SLC14A2: variants seen among roughly 807,000 people sequenced by gnomAD.
SLC14A2 encodes the protein urea transporter 2.
Under a neutral mutation model 104.6 loss-of-function variants are expected in SLC14A2, and 91 were observed. The observed-to-expected ratio is 0.87, with a 90% CI of 0.73 to 1.04. The LOEUF (loss-of-function observed/expected upper bound fraction) is 1.04. SLC14A2 is among the 50% of genes least tolerant of loss of function. The pLI is 0.00. For synonymous variants in SLC14A2, 476 were observed against 466.4 expected, an observed-to-expected ratio of 1.02 and a Z score of -0.27; for missense variants, 1,189 against 1,156.0, an observed-to-expected ratio of 1.03 and a Z score of -0.41.
chr18:45,585,155 CCTT>C (rs1385748866), intron 2 of SLC14A2, among the ~76,000 whole-genome samples: 1 of 148,700 alleles, frequency 6.7e-6, no homozygotes, highest in African/African-American at 2.5e-5. Context: ...TCCTCCTCCT[CCTT>C]CCTGGGCTTC....
chr18:45,414,756 AAATATATATAT>A lies in SLC14A2; in HGVS notation c.-124-68475_-124-68465del, dbSNP rs1308828773. Among the ~76,000 whole-genome samples the A allele has an allele frequency of 9.2e-3, 656 of 71,352 alleles. 36 individuals are homozygous for A. The highest frequency in any genetic ancestry group is 0.038 in the African/African-American group (625 of 16,382). The allele number at this position is 71,352 out of a possible 152,430, so 46.8% of individuals were successfully genotyped here. ...AAGGCACCGAGCGTAAAAAAAAAAAAAATATATATATATATATATATATATATATATATATA... is the reference window on the plus strand; with the variant it reads ...AAGGCACCGAGCGTAAAAAAAAAAAAATATATATATATATATATATATATA... On this transcript the variant is annotated intron_variant, in intron 1 of 20. Transcript: ENST00000586448.
chr18:45,549,579 T>A (rs2044026723), intron 2 of SLC14A2, among the ~76,000 whole-genome samples: 1 of 152,180 alleles, frequency 6.6e-6, no homozygotes, highest in Admixed American at 6.5e-5. Flanking sequence ...GTGCAGGTAA[T>A]TTATTATACC....
intron 1 of SLC14A2, among the ~76,000 whole-genome samples, chr18:45,623,353 A>G (rs1457533790): frequency 6.6e-6 from 1 of 152,244 alleles, no homozygotes; most frequent in Non-Finnish European, 1.5e-5. Context: ...CTGCCTGGAC[A>G]TCGAAGCTGC....
At chr18:45,547,735 G>A (rs1568271019) in intron 2 of SLC14A2, among the ~76,000 whole-genome samples, 1 of 152,158 alleles carries the variant, frequency 6.6e-6, no homozygotes, top group East Asian at 1.9e-4. Flanking sequence ...GAAGGTGGCT[G>A]GTAAAATACT....
intron 10 of SLC14A2, among the ~76,000 whole-genome samples, chr18:45,661,042 G>A (rs1201079100): frequency 6.6e-6 from 1 of 152,148 alleles, no homozygotes; most frequent in Non-Finnish European, 1.5e-5. Context: ...GGTACTTTCT[G>A]TTTTTGATTT....
chr18:45,318,616 C>T (rs946101221), intron 1 of SLC14A2, among the ~76,000 whole-genome samples: 2 of 151,934 alleles, frequency 1.3e-5, no homozygotes, highest in African/African-American at 4.8e-5. Context: ...GGTGAAATCC[C>T]ATCTCTACTA....
intron 2 of SLC14A2, chr18:45,550,011 A>C (rs1351241613): frequency 6.6e-6 from 1 of 151,776 alleles, no homozygotes. Context: ...AACTGGACTA[A>C]GGGCAATGAG....
intron 2 of SLC14A2, among the ~76,000 whole-genome samples, chr18:45,594,427 G>C (rs982407059): frequency 6.6e-6 from 1 of 152,136 alleles, no homozygotes; most frequent in African/African-American, 2.4e-5. Flanking sequence ...TGGCACCGCA[G>C]GTTTTCTCCG....
chr18:45,429,807 G>A (rs1018942858), intron 1 of SLC14A2, among the ~76,000 whole-genome samples: 2 of 152,134 alleles, frequency 1.3e-5, no homozygotes, highest in Admixed American at 6.6e-5. Flanking sequence ...TCAGATCTTA[G>A]CAGTGGGAAG....
At chr18:45,581,884 T>TC (rs11375599) in intron 2 of SLC14A2, among the ~76,000 whole-genome samples, 55,034 of 151,892 alleles carry the variant, frequency 0.36, 10,202 homozygotes, top group South Asian at 0.46. Flanking sequence ...TGCCCTCATT[T>TC]CCCCATTGTG....
intron 1 of SLC14A2, among the ~76,000 whole-genome samples, chr18:45,618,927 C>G (rs1449163274): frequency 1.3e-5 from 2 of 152,128 alleles, no homozygotes; most frequent in African/African-American, 4.8e-5. Flanking sequence ...TGCAATTCTA[C>G]TGGAGATGGA....
At chr18:45,255,219 G>A (rs940630031) in intron 1 of SLC14A2, among the ~76,000 whole-genome samples, 1 of 151,944 alleles carries the variant, frequency 6.6e-6, no homozygotes, top group African/African-American at 2.4e-5. Flanking sequence ...CCTCTCCCAG[G>A]GGCTTGCTGT....
At chr18:45,190,855 G>A in the SLC14A2 span, among the ~76,000 whole-genome samples, 1 of 152,142 alleles carries the variant, frequency 6.6e-6, no homozygotes, top group Non-Finnish European at 1.5e-5. Flanking sequence ...TTTGCCCAAG[G>A]CCTCACAGCT....
At chr18:45,323,632 G>A (rs940110335) in intron 1 of SLC14A2, among the ~76,000 whole-genome samples, 1 of 152,236 alleles carries the variant, frequency 6.6e-6, no homozygotes, top group East Asian at 1.9e-4. Flanking sequence ...TTAAACATTA[G>A]CAGTTTAATA....
At chr18:45,184,992 C>T in the SLC14A2 span, among the ~76,000 whole-genome samples, 13 of 152,098 alleles carry the variant, frequency 8.5e-5, no homozygotes, top group Non-Finnish European at 1.5e-4. Flanking sequence ...GAAGGAAGGA[C>T]GTATGTGCTA....
chr18:45,600,748 A>G (rs975987123), intron 2 of SLC14A2, among the ~76,000 whole-genome samples: 1 of 152,176 alleles, frequency 6.6e-6, no homozygotes, highest in African/African-American at 2.4e-5. Context: ...GTGTGAGCAG[A>G]AGATCTAGTG....
At chr18:45,183,696 T>TGTCTCTCC in the SLC14A2 span, among the ~76,000 whole-genome samples, 1 of 151,690 alleles carries the variant, frequency 6.6e-6, no homozygotes, top group Non-Finnish European at 1.5e-5. Context: ...TCTTTCTCTC[T>TGTCTCTCC]GTCTCTCCTT....
At chr18:45,213,366 C>G (rs2083978401) in intron 1 of SLC14A2, among the ~76,000 whole-genome samples, 2 of 152,080 alleles carry the variant, frequency 1.3e-5, no homozygotes, top group Admixed American at 1.3e-4. Flanking sequence ...CAAAAAGACA[C>G]CACCAGTCAA....
intron 1 of SLC14A2, among the ~76,000 whole-genome samples, chr18:45,280,986 C>G (rs1241579465): frequency 1.3e-5 from 2 of 152,206 alleles, no homozygotes; most frequent in African/African-American, 4.8e-5. Context: ...AGGTCTCCAG[C>G]CTCCTCCCCT....
Sources: gnomAD v4.1 joint callset for allele counts (sites outside exome capture counted in the v4.1 genomes callset) on GRCh38, gnomAD v4.1.1 for gene constraint, MANE v1.5 for transcripts, NCBI Gene and HGNC (gene_info 2026-07-23, HGNC 2026-07-21) for gene names.